Variants in PTPRM observed in about 807,000 individuals in gnomAD.
PTPRM encodes protein tyrosine phosphatase receptor type M, also known as receptor-type tyrosine-protein phosphatase mu.
A neutral mutation model predicts 186.7 loss-of-function variants in PTPRM; 47 were observed. The ratio of observed to expected loss-of-function variants is 0.25; its 90% CI spans 0.20 to 0.32. PTPRM has a LOEUF of 0.32. PTPRM is among the 10% of genes least tolerant of loss of function. The pLI, the probability that PTPRM is intolerant of heterozygous loss-of-function variation, is 1.00. For missense variants in PTPRM, 1,494 were observed against 1,865.0 expected, an observed-to-expected ratio of 0.80 and a Z score of 3.66; for synonymous variants, 668 against 674.9, an observed-to-expected ratio of 0.99 and a Z score of 0.16.
At chr18:7,589,717 ATTAAGACTT>A (rs1213324291) in intron 1 of PTPRM, among the ~76,000 whole-genome samples, 2 of 152,254 alleles carry the variant, frequency 1.3e-5, no homozygotes, top group African/African-American at 4.8e-5. Flanking sequence ...TAATGTAGAT[ATTAAGACTT>A]TATTAGTCAT....
chr18:7,889,502 A>AT (rs570089250), intron 3 of PTPRM, among the ~76,000 whole-genome samples: 133 of 151,798 alleles, frequency 8.8e-4, no homozygotes, highest in African/African-American at 2.9e-3. Flanking sequence ...TGTCGGGCTA[A>AT]TTTTTTATAT....
intron 2 of PTPRM, among the ~76,000 whole-genome samples, chr18:7,782,943 G>A (rs1470421703): frequency 6.6e-6 from 1 of 152,136 alleles, no homozygotes; most frequent in Non-Finnish European, 1.5e-5. Flanking sequence ...CAGATTGGAA[G>A]CTTACAAAAA....
At chr18:8,207,967 T>G (rs182861277) in intron 14 of PTPRM, among the ~76,000 whole-genome samples, 1 of 152,200 alleles carries the variant, frequency 6.6e-6, no homozygotes, top group African/African-American at 2.4e-5. Context: ...CCAACAAATA[T>G]TCAGAAATTA....
At chr18:8,154,968 C>A (rs2093089146) in intron 14 of PTPRM, 1 of 152,124 alleles carries the variant, frequency 6.6e-6, no homozygotes, top group Non-Finnish European at 1.5e-5. Flanking sequence ...TTCCGTCCCA[C>A]AAATTATGTG....
At chr18:7,653,118 TTTATTATTATTATTA>T (rs150577417) in intron 1 of PTPRM, among the ~76,000 whole-genome samples, 1 of 145,506 alleles carries the variant, frequency 6.9e-6, no homozygotes, top group African/African-American at 2.5e-5. Flanking sequence ...CACTATGTAC[TTTATTATTATTATTA>T]TTATTATTAT....
intron 7 of PTPRM, among the ~76,000 whole-genome samples, chr18:8,031,445 A>G (rs1316933006): frequency 6.6e-6 from 1 of 152,352 alleles, no homozygotes; most frequent in Admixed American, 6.5e-5. Context: ...CACGGCAATA[A>G]TTCCGTCAGA....
At chr18:7,800,180 T>TA (rs1223291334) in intron 2 of PTPRM, among the ~76,000 whole-genome samples, 7 of 152,324 alleles carry the variant, frequency 4.6e-5, no homozygotes, top group Admixed American at 3.3e-4. Flanking sequence ...TGATAGCACT[T>TA]ACGTTAAATA....
At chr18:8,248,945 G>A (rs983812475) in intron 17 of PTPRM, among the ~76,000 whole-genome samples, 1 of 152,180 alleles carries the variant, frequency 6.6e-6, no homozygotes, top group Non-Finnish European at 1.5e-5. Flanking sequence ...TATAAGAAGG[G>A]TGAGGAGAAA....
chr18:7,824,694 T>C (rs967898116), intron 2 of PTPRM, among the ~76,000 whole-genome samples: 1 of 152,196 alleles, frequency 6.6e-6, no homozygotes, highest in African/African-American at 2.4e-5. Context: ...TTGCCCTTAA[T>C]AATGGAACAA....
At chr18:7,812,279 C>A (rs1329037435) in intron 2 of PTPRM, among the ~76,000 whole-genome samples, 2 of 152,082 alleles carry the variant, frequency 1.3e-5, no homozygotes, top group Admixed American at 1.3e-4. Context: ...TTTAAAAAAC[C>A]GGTTTTGATG....
chr18:7,882,318 T>A (rs1396344889), intron 2 of PTPRM, among the ~76,000 whole-genome samples: 1 of 152,206 alleles, frequency 6.6e-6, no homozygotes, highest in African/African-American at 2.4e-5. Context: ...ACTTTTTTTT[T>A]TAAAAAAACA....
At chr18:7,901,535 T>A (rs1217997721) in intron 3 of PTPRM, among the ~76,000 whole-genome samples, 1 of 152,058 alleles carries the variant, frequency 6.6e-6, no homozygotes, top group Non-Finnish European at 1.5e-5. Context: ...CCCGGCTAAT[T>A]TTTGTATTTT....
chr18:7,925,284 G>A (rs186570077), intron 4 of PTPRM, among the ~76,000 whole-genome samples: 3 of 152,208 alleles, frequency 2.0e-5, no homozygotes, highest in African/African-American at 4.8e-5. Flanking sequence ...AAGAAACAAT[G>A]GTCCATGGTT....
chr18:7,726,733 A>C (rs2040557533), intron 1 of PTPRM, among the ~76,000 whole-genome samples: 1 of 152,200 alleles, frequency 6.6e-6, no homozygotes, highest in African/African-American at 2.4e-5. Context: ...ACTGGACTGT[A>C]ATGTGACTTC....
At chr18:8,331,211 A>G (rs1340999347) in intron 22 of PTPRM, among the ~76,000 whole-genome samples, 1 of 152,218 alleles carries the variant, frequency 6.6e-6, no homozygotes, top group African/African-American at 2.4e-5. Flanking sequence ...AAAAGAATGA[A>G]ATGCAAATAA....
intron 2 of PTPRM, among the ~76,000 whole-genome samples, chr18:7,856,538 AGACCAATGTTG>A (rs2047103539): frequency 6.6e-6 from 1 of 152,078 alleles, no homozygotes; most frequent in Non-Finnish European, 1.5e-5. Flanking sequence ...CAGGAGTTCA[AGACCAATGTTG>A]GCAACATAGT....
chr18:8,087,294 T>C (rs2090482905), intron 10 of PTPRM, among the ~76,000 whole-genome samples: 1 of 152,132 alleles, frequency 6.6e-6, no homozygotes, highest in African/African-American at 2.4e-5. Flanking sequence ...AAATAATTCA[T>C]TTTTGCTATT....
intron 19 of PTPRM, among the ~76,000 whole-genome samples, chr18:8,286,184 C>T (rs1478065023): frequency 1.3e-5 from 2 of 152,188 alleles, no homozygotes; most frequent in Non-Finnish European, 2.9e-5. Context: ...TGTCACTTGC[C>T]TCTAGGGATT....
chr18:7,902,369 C>T (rs187353451), intron 3 of PTPRM, among the ~76,000 whole-genome samples: 227 of 152,242 alleles, frequency 1.5e-3, no homozygotes, highest in Middle Eastern at 3.4e-3. Flanking sequence ...TGGCTTGTTT[C>T]TGAGACTCTC....
Sources: gnomAD v4.1 joint callset for allele counts (sites outside exome capture counted in the v4.1 genomes callset) on GRCh38, gnomAD v4.1.1 for gene constraint, MANE v1.5 for transcripts, NCBI Gene and HGNC (gene_info 2026-07-23, HGNC 2026-07-21) for gene names.